Variants in NEO1 observed in about 807,000 individuals in gnomAD.
NEO1 encodes the protein neogenin 1, also known as neogenin.
Under a neutral mutation model 159.7 loss-of-function variants are expected in NEO1, and 63 were observed. That is an observed-to-expected ratio of 0.39 (90% CI 0.32 to 0.49). NEO1 has a LOEUF of 0.49. Ranked by LOEUF, NEO1 falls within the 20% of genes least tolerant of loss-of-function variation. NEO1 has a pLI of 0.85. For missense variants in NEO1, 1,615 were observed against 1,831.0 expected, an observed-to-expected ratio of 0.88 and a Z score of 2.15; for synonymous variants, 633 against 662.0, an observed-to-expected ratio of 0.96 and a Z score of 0.67.
chr15:73,151,223 G>T (rs1185580546), intron 5 of NEO1, among the ~76,000 whole-genome samples: 1 of 152,140 alleles, frequency 6.6e-6, no homozygotes, highest in Non-Finnish European at 1.5e-5. Context: ...CTTTACGATT[G>T]CATATTGGCT....
intron 1 of NEO1, among the ~76,000 whole-genome samples, chr15:73,095,378 A>G (rs1345299558): frequency 6.6e-6 from 1 of 152,226 alleles, no homozygotes; most frequent in Admixed American, 6.5e-5. Flanking sequence ...TGAAAAGCCT[A>G]ACATATTTTC....
intron 1 of NEO1, among the ~76,000 whole-genome samples, chr15:73,110,935 C>T (rs2070947400): frequency 6.6e-6 from 1 of 152,044 alleles, no homozygotes; most frequent in African/African-American, 2.4e-5. Flanking sequence ...AAATAATCTC[C>T]TGTTCCAAGC....
chr15:73,253,215 C>G (rs903966137), intron 11 of NEO1, among the ~76,000 whole-genome samples, 185 bp from the exon 12 acceptor site: 1 of 152,012 alleles, frequency 6.6e-6, no homozygotes, highest in Non-Finnish European at 1.5e-5. Context: ...AAAATTGAAC[C>G]AGGCATGGCT....
intron 21 of NEO1, among the ~76,000 whole-genome samples, chr15:73,277,802 G>T (rs935897852): frequency 6.6e-6 from 1 of 152,146 alleles, no homozygotes; most frequent in Non-Finnish European, 1.5e-5. Context: ...TACTTTTGCT[G>T]TAAGTCCTCT....
At chr15:73,090,735 A>G (rs561380416) in intron 1 of NEO1, among the ~76,000 whole-genome samples, 3 of 152,176 alleles carry the variant, frequency 2.0e-5, no homozygotes, top group African/African-American at 7.2e-5. Context: ...ACTATTACCA[A>G]TCATTTTACA....
At chr15:73,221,330 G>C (rs2038245791) in intron 7 of NEO1, among the ~76,000 whole-genome samples, 1 of 152,190 alleles carries the variant, frequency 6.6e-6, no homozygotes, top group Admixed American at 6.5e-5. Flanking sequence ...GTGTCAGTCT[G>C]CCCCTACTGG....
intron 15 of NEO1, among the ~76,000 whole-genome samples, chr15:73,263,501 T>C (rs976591356): frequency 6.6e-6 from 1 of 152,122 alleles, no homozygotes; most frequent in African/African-American, 2.4e-5. Context: ...GGCCTCATTG[T>C]TGATTTTAAA....
rs867660459 is a variant in NEO1 at position 73,120,394 on chromosome 15, A to G, written c.449-2131A>G. ...TCCTTCAAAAATCCCCTTGAAATAA[A>G]AAAAAAATAAGAAAAAGAAAAAGTT... On this transcript the variant is annotated intron_variant, in intron 2 of 28. Coordinates refer to ENST00000261908, the MANE Select transcript of NEO1 (RefSeq NM_002499.4). Among the ~76,000 whole-genome samples, 4 of 150,918 alleles carry G rather than the reference A, an allele frequency of 2.7e-5. No individual in the cohort carries two copies. The South Asian group carries it at 8.3e-4, about 31-fold the overall frequency.
At chr15:73,250,172 T>TTATATATATATATA (rs371296157) in intron 11 of NEO1, among the ~76,000 whole-genome samples, 1 of 151,162 alleles carries the variant, frequency 6.6e-6, no homozygotes, top group African/African-American at 2.4e-5. Context: ...CTAAATTAAG[T>TTATATATATATATA]TATATATATA....
chr15:73,177,292 C>G (rs2035334649), intron 6 of NEO1, among the ~76,000 whole-genome samples: 1 of 152,090 alleles, frequency 6.6e-6, no homozygotes, highest in South Asian at 2.1e-4. Flanking sequence ...GAGATCTATA[C>G]ATGACATTCA....
In NEO1 at chr15:73,171,640, T is replaced by TATTATG. The variant is rs1555443754; in HGVS notation, c.1016-4758_1016-4757insGATTAT. On this transcript the variant is annotated intron_variant, in intron 5 of 28. Coordinates refer to ENST00000261908, the MANE Select transcript of NEO1 (RefSeq NM_002499.4). ...TTATTATTATTATTATTATTATTAT[T>TATTATG]ATTATTATTATTATTACTTGAGACA... is the stretch of plus-strand genomic sequence containing the variant. Among the ~76,000 whole-genome samples, 227 of 147,900 alleles carry TATTATG rather than the reference T, an allele frequency of 1.5e-3. 1 individual carries two copies. The highest frequency in any genetic ancestry group is 2.6e-3 in the Non-Finnish European group (173 of 67,148).
Position 73,181,368 on chromosome 15 carries a change from C to T in NEO1, c.1291+2941C>T, listed in dbSNP as rs2035601441. Reference sequence around the variant, plus strand: ...CATTGTGAGATGATAAATACTTACACTAGAGAAATCGGTGGAAAAGGATCC... The same window carrying T: ...CATTGTGAGATGATAAATACTTACATTAGAGAAATCGGTGGAAAAGGATCC... On this transcript the variant is annotated intron_variant, in intron 7 of 28. Transcript: ENST00000261908. 2.0e-5 allele frequency among the ~76,000 whole-genome samples: 3 copies of T among 152,160 alleles called. No individual in the cohort carries two copies. The South Asian group carries it at 6.2e-4, about 32-fold the overall frequency.
rs1422212074 is a variant in NEO1 at position 73,275,382 on chromosome 15, G to A, written c.3193+658G>A. ...ATAAAAACTTAGGCCACGTACGGTG[G>A]CTCAGGCCTGTAATCCCAGCACTTT... On this transcript the variant is annotated intron_variant, in intron 21 of 28. Transcript: ENST00000261908. Among the ~76,000 whole-genome samples, 3 of 152,288 alleles carry A rather than the reference G, an allele frequency of 2.0e-5. No individual in the cohort carries two copies. In the East Asian group the frequency reaches 5.8e-4, roughly 29 times the overall value.
intron 7 of NEO1, among the ~76,000 whole-genome samples, chr15:73,190,084 T>C (rs2036156276): frequency 6.6e-6 from 1 of 152,150 alleles, no homozygotes; most frequent in South Asian, 2.1e-4. Flanking sequence ...AATTATCTAT[T>C]AAATTACATT....
chr15:73,277,995 T>A (rs971061524), intron 21 of NEO1, 136 bp from the exon 22 acceptor site: 1 of 665,896 alleles, frequency 1.5e-6, no homozygotes, highest in Non-Finnish European at 2.5e-6. Context: ...TTCCCATGAT[T>A]TATGTGCTAC....
intron 13 of NEO1, among the ~76,000 whole-genome samples, chr15:73,257,131 C>CAAA (rs1567619256): frequency 3.5e-4 from 1 of 2,828 alleles, no homozygotes; most frequent in East Asian, 0.033. Flanking sequence ...GACTCTGTCT[C>CAAA]CAAAAAAAAA....
In NEO1 at chr15:73,178,388, A is replaced by C. The variant is rs1357026950; in HGVS notation, c.1252A>C (p.Asn418His). 1 of 1,613,876 alleles carries C rather than the reference A, an allele frequency of 6.2e-7. No individual in the cohort carries two copies. The highest frequency in any genetic ancestry group is 1.7e-5 in the Admixed American group (1 of 60,012). Residue 418 changes from asparagine (N) to histidine (H), a missense_variant, in exon 7 of 29, where the codon AAT becomes CAT. Around this residue, in one of 3 missense-constraint regions of NEO1, gnomAD observed 1,018 missense variants for 1,115.4 expected, o/e 0.91. Transcript: ENST00000261908. ...YQCIAENDVG[N>H]AQAGAQLIIL... The stretch of plus-strand genomic sequence containing the variant: ...GTGCATTGCTGAAAATGATGTTGGA[A>C]ATGCACAAGCTGGAGCCCAACTGAT...
intron 7 of NEO1, among the ~76,000 whole-genome samples, chr15:73,216,801 T>G (rs1364393331): frequency 1.3e-5 from 2 of 152,356 alleles, no homozygotes; most frequent in Non-Finnish European, 2.9e-5. Flanking sequence ...GTAAATTTGT[T>G]TGAATTCATT....
At chr15:73,169,483 C>T (rs1258167240) in intron 5 of NEO1, among the ~76,000 whole-genome samples, 1 of 152,054 alleles carries the variant, frequency 6.6e-6, no homozygotes, top group African/African-American at 2.4e-5. Context: ...ATACTATCTA[C>T]AGAGTAGTTA....
Sources: allele counts gnomAD v4.1 joint callset (sites outside exome capture counted in the v4.1 genomes callset), GRCh38; gene constraint gnomAD v4.1.1; regional missense constraint gnomAD v4.1.1; transcripts MANE v1.5; gene names NCBI Gene and HGNC (gene_info 2026-07-23, HGNC 2026-07-21).